Variants in PCDH9 observed in about 807,000 individuals in gnomAD.
The protein encoded by PCDH9 is protocadherin 9, also known as protocadherin-9.
PCDH9 carries 24 observed loss-of-function variants against 70.6 expected under a neutral mutation model. The ratio of observed to expected loss-of-function variants is 0.34; its 90% CI spans 0.25 to 0.48. The LOEUF is 0.48. PCDH9 is among the 20% of genes least tolerant of loss of function. PCDH9 has a pLI of 0.99. For missense variants in PCDH9, 1,281 were observed against 1,503.6 expected, an observed-to-expected ratio of 0.85 and a Z score of 2.45; for synonymous variants, 562 against 558.5, an observed-to-expected ratio of 1.01 and a Z score of -0.09.
chr13:66,483,359 A>C (rs2138514068), intron 4 of PCDH9, among the ~76,000 whole-genome samples: 1 of 152,264 alleles, frequency 6.6e-6, no homozygotes, highest in East Asian at 1.9e-4. Flanking sequence ...CTTTATTTCA[A>C]GGGACAATTG....
intron 4 of PCDH9, among the ~76,000 whole-genome samples, chr13:66,528,746 A>G (rs1298594635): frequency 1.3e-5 from 2 of 152,276 alleles, no homozygotes; most frequent in East Asian, 3.9e-4. Flanking sequence ...TATTTTAAAC[A>G]GTAAAACTGC....
intron 4 of PCDH9, among the ~76,000 whole-genome samples, chr13:66,576,631 A>T (rs1353599359): frequency 6.6e-6 from 1 of 152,098 alleles, no homozygotes; most frequent in Non-Finnish European, 1.5e-5. Flanking sequence ...TGACAAGCTA[A>T]ACTGTGAGAC....
intron 2 of PCDH9, among the ~76,000 whole-genome samples, chr13:67,034,527 G>A (rs767259083): frequency 4.6e-5 from 7 of 152,056 alleles, no homozygotes; most frequent in African/African-American, 1.7e-4. Context: ...ACAAACCAAT[G>A]TACATTGTAT....
At chr13:66,980,742 G>T (rs7986258) in intron 2 of PCDH9, among the ~76,000 whole-genome samples, 98,068 of 107,396 alleles carry the variant, frequency 0.91, 44,472 homozygotes, top group East Asian at 0.98. Flanking sequence ...TTTTTTTTTT[G>T]TTTTTTTTTT....
chr13:67,049,761 T>C (rs2085288814), intron 2 of PCDH9, among the ~76,000 whole-genome samples: 1 of 152,200 alleles, frequency 6.6e-6, no homozygotes, highest in Non-Finnish European at 1.5e-5. Context: ...ACCTCAGCAG[T>C]TTAAGAAATC....
intron 2 of PCDH9, among the ~76,000 whole-genome samples, chr13:67,174,552 G>A (rs2088394448): frequency 6.6e-6 from 1 of 152,140 alleles, no homozygotes; most frequent in African/African-American, 2.4e-5. Context: ...ATAAGATTAT[G>A]TGTGGGAGCT....
intron 3 of PCDH9, among the ~76,000 whole-genome samples, chr13:66,820,248 A>T (rs2080686746): frequency 6.6e-6 from 1 of 152,220 alleles, no homozygotes; most frequent in African/African-American, 2.4e-5. Flanking sequence ...GCACTGTATT[A>T]AATACTACTG....
At chr13:66,450,588 T>C (rs1419178070) in intron 4 of PCDH9, among the ~76,000 whole-genome samples, 2 of 152,156 alleles carry the variant, frequency 1.3e-5, no homozygotes, top group Middle Eastern at 3.2e-3. Context: ...ACAAGACCAT[T>C]TGAATAATAC....
intron 3 of PCDH9, among the ~76,000 whole-genome samples, chr13:66,887,739 C>A (rs1231603369): frequency 6.6e-6 from 1 of 152,104 alleles, no homozygotes; most frequent in African/African-American, 2.4e-5. Flanking sequence ...TTCACACCAT[C>A]TCTGGTATTG....
At chr13:66,648,892 A>T (rs988701848) in intron 3 of PCDH9, among the ~76,000 whole-genome samples, 8 of 152,086 alleles carry the variant, frequency 5.3e-5, no homozygotes, top group Admixed American at 1.3e-4. Context: ...AAAAAATTTT[A>T]AAAAACCAAG....
At chr13:67,001,008 G>A (rs1441197422) in intron 2 of PCDH9, among the ~76,000 whole-genome samples, 2 of 152,170 alleles carry the variant, frequency 1.3e-5, no homozygotes, top group Non-Finnish European at 2.9e-5. Context: ...CAAAATGGTA[G>A]ATGAGGAATA....
At chr13:66,506,058 C>A (rs1049510826) in intron 4 of PCDH9, among the ~76,000 whole-genome samples, 5 of 152,148 alleles carry the variant, frequency 3.3e-5, no homozygotes, top group Non-Finnish European at 2.9e-5. Context: ...CCTAACCATG[C>A]TCTTATAGTA....
intron 3 of PCDH9, among the ~76,000 whole-genome samples, chr13:66,755,532 C>T (rs911094251): frequency 2.0e-5 from 3 of 152,128 alleles, no homozygotes; most frequent in African/African-American, 7.2e-5. Context: ...GCTCTCTCTC[C>T]CCACCTAAAT....
At chr13:66,607,979 A>G (rs2138862136) in intron 4 of PCDH9, among the ~76,000 whole-genome samples, 1 of 152,276 alleles carries the variant, frequency 6.6e-6, no homozygotes, top group East Asian at 1.9e-4. Context: ...TAACATGGGA[A>G]GCAACTGAGT....
chr13:66,626,295 C>T (rs2077498108), intron 4 of PCDH9, among the ~76,000 whole-genome samples: 1 of 152,122 alleles, frequency 6.6e-6, no homozygotes, highest in African/African-American at 2.4e-5. Flanking sequence ...CTAGAAAGTC[C>T]TTGAGGCTAG....
intron 4 of PCDH9, among the ~76,000 whole-genome samples, chr13:66,384,514 T>C (rs1956896867): frequency 6.6e-6 from 1 of 152,214 alleles, no homozygotes; most frequent in African/African-American, 2.4e-5. Context: ...CTTGCATAAT[T>C]ACCCTTTTGT....
chr13:66,997,238 G>A (rs1434836960), intron 2 of PCDH9, among the ~76,000 whole-genome samples: 1 of 152,198 alleles, frequency 6.6e-6, no homozygotes, highest in Non-Finnish European at 1.5e-5. Flanking sequence ...AGGCTGGACA[G>A]GAAGCATGGT....
intron 3 of PCDH9, among the ~76,000 whole-genome samples, chr13:66,794,097 TTC>T (rs892964451): frequency 2.6e-5 from 4 of 152,192 alleles, no homozygotes; most frequent in African/African-American, 9.6e-5. Context: ...GAAGGAATAA[TTC>T]TCTTTGTTAT....
rs1388312996 is a variant in PCDH9 at position 67,214,933 on chromosome 13, C to CATATATATAT, written c.3036+10471_3036+10472insATATATATAT. ...TTCTGAGTGTCTGGCTATTGCGAGC[C>CATATATATAT]AGATATATATATATATATATATATA... On this transcript the variant is annotated intron_variant, in intron 2 of 4. Coordinates refer to ENST00000377865, the MANE Select transcript of PCDH9 (RefSeq NM_203487.3). The CATATATATAT allele has an allele frequency of 2.4e-3, 63 of 26,144 alleles. 1 individual carries two copies. The highest frequency in any genetic ancestry group is 7.4e-3 in the African/African-American group (61 of 8,274). The allele number at this position is 26,144 out of a possible 1,614,324, so 1.6% of individuals were successfully genotyped here.
Sources: allele counts gnomAD v4.1 joint callset (sites outside exome capture counted in the v4.1 genomes callset), GRCh38; gene constraint gnomAD v4.1.1; transcripts MANE v1.5; gene names NCBI Gene and HGNC (gene_info 2026-07-23, HGNC 2026-07-21).